The following PTPRQ variants were observed in gnomAD, a reference collection of about 807,000 sequenced individuals.
PTPRQ encodes phosphatidylinositol phosphatase PTPRQ.
In PTPRQ, 199 loss-of-function variants were observed where a neutral mutation model predicts 246.0. The ratio of observed to expected loss-of-function variants is 0.81; its 90% CI spans 0.72 to 0.91. The LOEUF (loss-of-function observed/expected upper bound fraction) is 0.91. Among genes scored for constraint, PTPRQ ranks in the 40% least tolerant of loss-of-function variants. The pLI, the probability that PTPRQ is intolerant of heterozygous loss-of-function variation, is 0.00. For synonymous variants in PTPRQ, 869 were observed against 853.2 expected (o/e 1.02, Z -0.32); for missense variants, 2,624 against 2,528.4 (o/e 1.04, Z -0.81).
At chr12:80,498,922 T>C (rs1894710998) in intron 14 of PTPRQ, among the ~76,000 whole-genome samples, 1 of 152,120 alleles carries the variant, frequency 6.6e-6, no homozygotes, top group Non-Finnish European at 1.5e-5. Context: ...TTTTCTGTTT[T>C]ATTGTCTGTA....
At chr12:80,531,514 C>G (rs1187527103) in intron 17 of PTPRQ, among the ~76,000 whole-genome samples, 2 of 152,084 alleles carry the variant, frequency 1.3e-5, no homozygotes, top group Non-Finnish European at 2.9e-5. Context: ...CAGGATTGCT[C>G]AGAAGATTGC....
intron 25 of PTPRQ, among the ~76,000 whole-genome samples, chr12:80,555,628 C>T (rs569297587): frequency 5.3e-5 from 8 of 152,210 alleles, no homozygotes; most frequent in South Asian, 2.1e-4. Flanking sequence ...TTCAACTTAC[C>T]GGTGGGTAAT....
Position 80,619,402 on chromosome 12 carries a change from C to T in PTPRQ, c.5249C>T (p.Thr1750Ile). Reference protein sequence around the residue: ...MDIKAPARPKTKPTPIYDATG... With the variant: ...MDIKAPARPKIKPTPIYDATG... ...TTTATAGCTCCAGCACGACCAAAAACCAAACCAACCCCTATTTATGATGCC... is the reference window on the plus strand; with the variant it reads ...TTTATAGCTCCAGCACGACCAAAAATCAAACCAACCCCTATTTATGATGCC... The change falls in exon 31 of 45, where the codon ACC (threonine) becomes ATC (isoleucine). Residue 1750 changes from threonine (T) to isoleucine (I), a missense_variant. Transcript: ENST00000644991. The T allele has an allele frequency of 6.5e-7, 1 of 1,547,256 alleles. No individual in the cohort carries two copies. Among genetic ancestry groups the T allele is most frequent in the Non-Finnish European group, 8.7e-7 (1 of 1,144,254 alleles).
intron 17 of PTPRQ, among the ~76,000 whole-genome samples, chr12:80,525,718 T>A (rs1174348563): frequency 6.6e-6 from 1 of 152,058 alleles, no homozygotes; most frequent in Non-Finnish European, 1.5e-5. Flanking sequence ...TCTGTGTATG[T>A]GTATGTGGTT....
chr12:80,496,144 A>G, intron 13 of PTPRQ, 38 bp downstream of exon 13: 2 of 1,543,870 alleles, frequency 1.3e-6, no homozygotes, highest in Non-Finnish European at 1.7e-6. Context: ...TTTTTAAAAA[A>G]GTGGTTGTAA....
rs894008143 is a variant in PTPRQ, at chr12:80,539,821, G to C, written c.3031G>C (p.Val1011Leu). The C allele has an allele frequency of 1.3e-6, 2 of 1,547,506 alleles. No individual in the cohort carries two copies. Among genetic ancestry groups the C allele is most frequent in the Non-Finnish European group, 8.7e-7 (1 of 1,145,470 alleles). ...AACCAATGACTTTGACAATATGACT[G>C]TATCCACAATTATAGATAAACTGAC... ...EVTNDFDNMT[V>L]STIIDKLTIF... is the part of the protein sequence containing the mutation. The change falls in exon 20 of 45, where the codon GTA (valine) becomes CTA (leucine). Residue 1011 changes from valine to leucine, a missense_variant. By Grantham distance (32) the Val-to-Leu change is conservative (BLOSUM62 1). Coordinates refer to ENST00000644991, the MANE Select transcript of PTPRQ (RefSeq NM_001145026.2).
rs772315110 is a variant in PTPRQ at position 80,542,347 on chromosome 12, T to C, written c.3704T>C (p.Phe1235Ser). Reference sequence around the variant, plus strand: ...CTTGGTCCTTCCAGTATTCTTTTCTTTTACACAGATGAGTCAGGTAAGCCA... The same window carrying C: ...CTTGGTCCTTCCAGTATTCTTTTCTCTTACACAGATGAGTCAGGTAAGCCA... Reference protein sequence around the residue: ...KGLGPSSILFFYTDESVPLAP... With the variant: ...KGLGPSSILFSYTDESVPLAP... Residue 1235 changes from phenylalanine to serine, a missense_variant, in exon 22 of 45, where the codon TTT (phenylalanine) becomes TCT (serine). Transcript: ENST00000644991. 8 of 1,541,120 alleles carry C rather than the reference T, an allele frequency of 5.2e-6. No individual in the cohort carries two copies. The South Asian group carries it at 7.4e-5, about 14-fold the overall frequency.
intron 31 of PTPRQ, 113 bp downstream of exon 31, chr12:80,619,655 A>G: frequency 1.3e-6 from 1 of 742,758 alleles, no homozygotes; most frequent in Non-Finnish European, 1.9e-6. Context: ...ACCTCTTGAG[A>G]TTAATAGATT....
intron 25 of PTPRQ, among the ~76,000 whole-genome samples, chr12:80,552,693 A>ATATATATATC (rs1896523063): frequency 8.8e-6 from 1 of 113,048 alleles, no homozygotes; most frequent in African/African-American, 3.4e-5. Context: ...ATATATATAT[A>ATATATATATC]TTTGGAAATT....
chr12:80,563,798 T>C (rs1396263871), intron 25 of PTPRQ, among the ~76,000 whole-genome samples: 1 of 152,112 alleles, frequency 6.6e-6, no homozygotes, highest in Non-Finnish European at 1.5e-5. Flanking sequence ...AAGGGTCTTA[T>C]TACTACTGGA....
intron 26 of PTPRQ, among the ~76,000 whole-genome samples, chr12:80,588,986 T>A (rs1025898446): frequency 6.6e-6 from 1 of 152,128 alleles, no homozygotes; most frequent in African/African-American, 2.4e-5. Context: ...CAGCTTGAGA[T>A]GGGAAGAAGA....
intron 17 of PTPRQ, among the ~76,000 whole-genome samples, chr12:80,523,757 C>G (rs2120766553): frequency 6.6e-6 from 1 of 152,282 alleles, no homozygotes; most frequent in South Asian, 2.1e-4. Context: ...TGTTCTTTTA[C>G]ATTTGCTGAG....
Position 80,625,603 on chromosome 12 carries a change from T to C in PTPRQ, c.5686+3469T>C, listed in dbSNP as rs746533224. 1.6e-4 allele frequency among the ~76,000 whole-genome samples: 24 copies of C among 152,168 alleles called. 1 individual carries two copies. The South Asian group carries it at 5.0e-3, about 32-fold the overall frequency. On this transcript the variant is annotated intron_variant, in intron 33 of 44. Transcript: ENST00000644991. Reference sequence around the variant, plus strand: ...ACTGATAATCTTAAAAATGTTTAAGTTTAGTGAAAGGGACTAATGAAAGTA... The same window carrying C: ...ACTGATAATCTTAAAAATGTTTAAGCTTAGTGAAAGGGACTAATGAAAGTA...
chr12:80,549,596 A>G lies in PTPRQ; in HGVS notation c.4147A>G (p.Lys1383Glu), dbSNP rs1280672632. 1.5e-5 allele frequency: 23 copies of G among 1,551,110 alleles called. No homozygotes were observed. Among genetic ancestry groups the G allele is most frequent in the Non-Finnish European group, 2.0e-5 (23 of 1,146,636 alleles). ...GGTAACAGTTGAAAGGAATTCTACA[A>G]AAGTTTCTCCCCAAGATCACATGTA... ...YMVTVERNSTKVSPQDHMYTF... is the reference protein window; with the variant it reads ...YMVTVERNSTEVSPQDHMYTF... The change falls in exon 25 of 45, where the codon AAA (lysine) becomes GAA (glutamate). Residue 1383 changes from lysine (K) to glutamate (E), a missense_variant. By Grantham distance (56) the Lys-to-Glu change is moderately conservative (BLOSUM62 1). Transcript: ENST00000644991.
intron 8 of PTPRQ, among the ~76,000 whole-genome samples, chr12:80,480,280 A>G (rs931822019): frequency 2.6e-5 from 4 of 152,192 alleles, no homozygotes; most frequent in African/African-American, 9.7e-5. Context: ...ACTACTGGGT[A>G]CATAATGAAA....
Position 80,495,272 on chromosome 12 carries a change from C to T in PTPRQ, c.1783C>T (p.Pro595Ser). ...ILLYWDPPEY[P>S]NGKITHYTIY... ...GTTATATTGGGATCCTCCAGAATAT[C>T]CCAATGGAAAAATAACTCACTATAC... is the stretch of plus-strand genomic sequence containing the variant. Residue 595 changes from proline (P) to serine (S), a missense_variant, in exon 12 of 45, where the codon CCC (proline) becomes TCC (serine). Pro to Ser is a moderately conservative substitution (Grantham distance 74). Transcript: ENST00000644991. 6.5e-7 allele frequency: 1 copy of T among 1,545,798 alleles called. No individual in the cohort carries two copies. Among genetic ancestry groups the T allele is most frequent in the Non-Finnish European group, 8.7e-7 (1 of 1,145,188 alleles).
At chr12:80,618,990 G>A (rs550428783) in intron 30 of PTPRQ, among the ~76,000 whole-genome samples, 58 of 151,636 alleles carry the variant, frequency 3.8e-4, no homozygotes, top group Non-Finnish European at 6.6e-4. Flanking sequence ...AGGGGTGCTA[G>A]TATGACTAGA....
intron 19 of PTPRQ, among the ~76,000 whole-genome samples, chr12:80,536,112 A>C (rs564239109): frequency 6.6e-6 from 1 of 152,376 alleles, no homozygotes; most frequent in South Asian, 2.1e-4. Context: ...ATCTCAAAAG[A>C]AAAAGAAAAA....
chr12:80,679,212 G>T lies in PTPRQ; in HGVS notation c.*189G>T, dbSNP rs1348150365. The T allele has an allele frequency of 7.2e-6, 4 of 557,722 alleles. No individual in the cohort carries two copies. Among genetic ancestry groups the T allele is most frequent in the Non-Finnish European group, 5.6e-6 (2 of 359,244 alleles). 34.5% of individuals were successfully genotyped at this position (557,722 alleles called of 1,614,324 possible). ...AATAGCTAATACAGAATAATTATTTGTTTTGTACAGAATAAATATTATGCA... is the reference window on the plus strand; with the variant it reads ...AATAGCTAATACAGAATAATTATTTTTTTTGTACAGAATAAATATTATGCA... On this transcript the variant is annotated 3_prime_UTR_variant, in exon 45 of 45. Transcript: ENST00000644991.
Sources: gnomAD v4.1 joint callset for allele counts (sites outside exome capture counted in the v4.1 genomes callset) on GRCh38, gnomAD v4.1.1 for gene constraint, MANE v1.5 for transcripts, NCBI Gene and HGNC (gene_info 2026-07-23, HGNC 2026-07-21) for gene names.